The following TIGAR variants were observed in gnomAD, a reference collection of about 807,000 sequenced individuals.
The protein encoded by TIGAR is TP53 induced glycolysis regulatory phosphatase, also known as fructose-2,6-bisphosphatase TIGAR.
Under a neutral mutation model 17.9 loss-of-function variants are expected in TIGAR, and 7 were observed. That is an observed-to-expected ratio of 0.39 (90% confidence interval 0.22 to 0.73). TIGAR has a LOEUF of 0.73. Ranked by LOEUF, TIGAR falls within the 30% of genes least tolerant of loss-of-function variation. The pLI is 0.42. For missense variants in TIGAR, 258 were observed against 327.4 expected, an observed-to-expected ratio of 0.79 and a Z score of 1.64; for synonymous variants, 94 against 108.6, an observed-to-expected ratio of 0.87 and a Z score of 0.84.
At chr12:4,344,882 C>A (rs893526635) in intron 3 of TIGAR, among the ~76,000 whole-genome samples, 126 of 152,110 alleles carry the variant, frequency 8.3e-4, no homozygotes, top group African/African-American at 2.6e-3. Context: ...GTCTCAGCCC[C>A]AAATCTCCTT....
At chr12:4,346,880 C>G (rs1454895062) in intron 3 of TIGAR, among the ~76,000 whole-genome samples, 3 of 151,922 alleles carry the variant, frequency 2.0e-5, no homozygotes, top group African/African-American at 4.8e-5. Context: ...TGGCTTTTAT[C>G]CAAAAGACAG....
At chr12:4,338,480 A>G (rs760405540) in intron 3 of TIGAR, among the ~76,000 whole-genome samples, 1 of 152,192 alleles carries the variant, frequency 6.6e-6, no homozygotes, top group Admixed American at 6.5e-5. Flanking sequence ...TAATTTTTAC[A>G]TAACTTAAAT....
At position 4,321,218 on chromosome 12, in the gene TIGAR, G is replaced by A; in HGVS notation, c.-54G>A. The A allele has an allele frequency of 6.3e-7, 1 of 1,597,118 alleles. No individual in the cohort carries two copies. Among genetic ancestry groups the A allele is most frequent in the Non-Finnish European group, 8.5e-7 (1 of 1,178,234 alleles). ...GGAAGTGGTGTGGGGGAGGTAGCCC[G>A]CAGTGCAGGGGCAGCGCGGCGCGGG... On this transcript the variant is annotated 5_prime_UTR_variant, in exon 1 of 6. Coordinates refer to ENST00000179259, the MANE Select transcript of TIGAR (RefSeq NM_020375.3). This position sits in a 1 kb window ranked among gnomAD's most constrained non-coding sequence, Gnocchi z 5.2.
rs1411776463 is a variant in TIGAR, at chr12:4,355,749, A to T, written c.*3058A>T. Among the ~76,000 whole-genome samples, 2 of 152,218 alleles carry T rather than the reference A, an allele frequency of 1.3e-5. No homozygotes were observed. Among genetic ancestry groups the T allele is most frequent in the Non-Finnish European group, 2.9e-5 (2 of 68,036 alleles). ...CAGTGTGTTGGCTCACATTGTGGTC[A>T]GTGCTGTTGAGCAAAATAGGTCAGA... On this transcript the variant is annotated 3_prime_UTR_variant, in exon 6 of 6. Coordinates refer to ENST00000179259, the MANE Select transcript of TIGAR (RefSeq NM_020375.3).
intron 3 of TIGAR, among the ~76,000 whole-genome samples, chr12:4,338,090 G>T (rs746122455): frequency 6.6e-6 from 1 of 152,024 alleles, no homozygotes. Flanking sequence ...AGATCGTGCC[G>T]TTGCATGGTT....
rs939927328 is a variant in TIGAR at position 4,359,488 on chromosome 12, T to G, written c.*6797T>G. 6.6e-6 allele frequency among the ~76,000 whole-genome samples: 1 copy of G among 152,120 alleles called. No individual in the cohort carries two copies. Among genetic ancestry groups the G allele is most frequent in the Admixed American group, 6.6e-5 (1 of 15,266 alleles). On this transcript the variant is annotated 3_prime_UTR_variant, in exon 6 of 6. Transcript: ENST00000179259. ...TGAAATGAAAGACGCCTGGTGTGCATGGTATTTAGAAACCAAGATCTCGGT... is the reference window on the plus strand; with the variant it reads ...TGAAATGAAAGACGCCTGGTGTGCAGGGTATTTAGAAACCAAGATCTCGGT...
rs1156485655 is a variant in TIGAR at position 4,354,574 on chromosome 12, A to G, written c.*1883A>G. On this transcript the variant is annotated 3_prime_UTR_variant, in exon 6 of 6. Coordinates refer to ENST00000179259, the MANE Select transcript of TIGAR (RefSeq NM_020375.3). Reference sequence around the variant, plus strand: ...GTGCTTTAAAAATAAATATCAAGCCATCTGTGTTCTTTATTTTTACTTATG... The same window carrying G: ...GTGCTTTAAAAATAAATATCAAGCCGTCTGTGTTCTTTATTTTTACTTATG... The G allele has an allele frequency of 6.6e-6, 1 of 151,820 alleles. No homozygotes were observed. The highest frequency in any genetic ancestry group is 1.5e-5 in the Non-Finnish European group (1 of 67,976). 9.4% of individuals were successfully genotyped at this position (151,820 alleles called of 1,614,324 possible).
rs1046161 is a variant in TIGAR at position 4,352,874 on chromosome 12, C to T, written c.*183C>T. 0.4 allele frequency: 223,389 copies of T among 564,532 alleles called. 45,678 individuals are homozygous for T. The highest frequency in any genetic ancestry group is 0.6 in the East Asian group (21,477 of 35,504). 35.0% of individuals were successfully genotyped at this position (564,532 alleles called of 1,614,324 possible). On this transcript the variant is annotated 3_prime_UTR_variant, in exon 6 of 6. Transcript: ENST00000179259. ...CCATATAGAATTAACTTATTTTGTC[C>T]AAGTACAGTTGGCATTTTCCAGAAT...
chr12:4,324,257 G>A (rs1864511822), intron 1 of TIGAR: 1 of 628,476 alleles, frequency 1.6e-6, no homozygotes, highest in Non-Finnish European at 2.8e-6. Context: ...CTACTGAAGG[G>A]TCTGGTTCCT....
At chr12:4,344,253 A>G (rs1456983978) in intron 3 of TIGAR, among the ~76,000 whole-genome samples, 2 of 152,208 alleles carry the variant, frequency 1.3e-5, no homozygotes, top group South Asian at 2.1e-4. Flanking sequence ...CCAACCAAAA[A>G]AAGTCCAGGA....
At chr12:4,332,034 C>T (rs748915081) in intron 2 of TIGAR, among the ~76,000 whole-genome samples, 1 of 152,076 alleles carries the variant, frequency 6.6e-6, no homozygotes, top group Non-Finnish European at 1.5e-5. Flanking sequence ...TGTTTTCAGA[C>T]GAAATATGCC....
At chr12:4,325,510 G>A (rs1408886812) in intron 1 of TIGAR, among the ~76,000 whole-genome samples, 1 of 151,972 alleles carries the variant, frequency 6.6e-6, no homozygotes, top group East Asian at 1.9e-4. Context: ...GGAGGCCGAG[G>A]CGGGTGGATC....
intron 1 of TIGAR, among the ~76,000 whole-genome samples, chr12:4,330,557 C>G (rs1439101168): frequency 6.6e-6 from 1 of 152,208 alleles, no homozygotes. Context: ...TTATTGTTAA[C>G]CTATCCTGCT....
intron 4 of TIGAR, 55 bp downstream of exon 4, chr12:4,349,951 C>T (rs911211453): frequency 8.1e-7 from 1 of 1,241,600 alleles, no homozygotes; most frequent in African/African-American, 1.6e-5. Context: ...TAAGCCACCT[C>T]AGTTTGTCAC....
chr12:4,327,406 C>T (rs1864556481), intron 1 of TIGAR, among the ~76,000 whole-genome samples: 1 of 146,442 alleles, frequency 6.8e-6, no homozygotes, highest in Non-Finnish European at 1.5e-5. Context: ...GAGACCCCAT[C>T]TCAGAAAAAA....
rs1347358757 is a variant in TIGAR at position 4,321,754 on chromosome 12, C to T, written c.32+451C>T. On this transcript the variant is annotated intron_variant, in intron 1 of 5. Coordinates refer to ENST00000179259, the MANE Select transcript of TIGAR (RefSeq NM_020375.3). This position sits in a 1 kb window ranked among gnomAD's most constrained non-coding sequence, Gnocchi z 5.2. ...CCTCTCAGTTTCTGAGGTTCCCCCT[C>T]GTTTCCCCAGGCAGTCAGCCCCCCA... Among the ~76,000 whole-genome samples the T allele has an allele frequency of 1.3e-5, 2 of 152,188 alleles. No individual in the cohort carries two copies. Among genetic ancestry groups the T allele is most frequent in the African/African-American group, 4.8e-5 (2 of 41,438 alleles).
chr12:4,331,212 C>T (rs1864600154), intron 1 of TIGAR, 68 bp from the exon 2 acceptor site: 1 of 1,391,962 alleles, frequency 7.2e-7, no homozygotes, highest in Admixed American at 1.7e-5. Flanking sequence ...CTTGATTGCT[C>T]ATTTTTTTCC....
intron 2 of TIGAR, among the ~76,000 whole-genome samples, chr12:4,332,464 G>A (rs1002397469): frequency 6.6e-6 from 1 of 152,058 alleles, no homozygotes; most frequent in South Asian, 2.1e-4. Flanking sequence ...GGCTGGTCTT[G>A]AACTCCTGAC....
rs1305816910 is a variant in TIGAR, at chr12:4,351,256, G to A, written c.271-11G>A. The A allele has an allele frequency of 6.2e-7, 1 of 1,610,834 alleles. No homozygotes were observed. Among genetic ancestry groups the A allele is most frequent in the Non-Finnish European group, 8.5e-7 (1 of 1,177,274 alleles). ...TCATTTGAGAAACTGTTATCTATTGGACTGTTTCAGAAATACGGGGTTGTA... is the reference window on the plus strand; with the variant it reads ...TCATTTGAGAAACTGTTATCTATTGAACTGTTTCAGAAATACGGGGTTGTA... On this transcript the variant is annotated splice_polypyrimidine_tract_variant and intron_variant, in intron 4 of 5. Coordinates refer to ENST00000179259, the MANE Select transcript of TIGAR (RefSeq NM_020375.3).
Sources: gnomAD v4.1 joint callset for allele counts (sites outside exome capture counted in the v4.1 genomes callset) on GRCh38, gnomAD v4.1.1 for gene constraint, Gnocchi (gnomAD v3.1) non-coding constraint, MANE v1.5 for transcripts, NCBI Gene and HGNC (gene_info 2026-07-23, HGNC 2026-07-21) for gene names.